The following AACS variants were observed in gnomAD, a reference collection of about 807,000 sequenced individuals.
AACS encodes the protein acetoacetate-CoA ligase.
Under a neutral mutation model 83.1 loss-of-function variants are expected in AACS, and 69 were observed. The ratio of observed to expected loss-of-function variants is 0.83; its 90% CI spans 0.68 to 1.01. The LOEUF (loss-of-function observed/expected upper bound fraction) is 1.01, where lower values mean the gene tolerates loss of function less well. AACS is among the 50% of genes least tolerant of loss of function. The pLI is 0.00. For missense variants in AACS, 866 were observed against 882.2 expected, an observed-to-expected ratio of 0.98 and a Z score of 0.23; for synonymous variants, 333 against 343.4, an observed-to-expected ratio of 0.97 and a Z score of 0.33.
At chr12:125,115,558 C>T (rs1040191326) in intron 9 of AACS, among the ~76,000 whole-genome samples, 1 of 152,220 alleles carries the variant, frequency 6.6e-6, no homozygotes, top group Non-Finnish European at 1.5e-5. Flanking sequence ...CCGCCCCTGG[C>T]CTGCTGAGTC....
At chr12:125,134,411 T>C (rs1270799414) in intron 15 of AACS, among the ~76,000 whole-genome samples, 1 of 152,176 alleles carries the variant, frequency 6.6e-6, no homozygotes, top group African/African-American at 2.4e-5. Flanking sequence ...GGGTGGCGCA[T>C]CCCTGTGCCA....
Position 125,065,633 on chromosome 12 carries a change from G to C in AACS, c.49G>C (p.Val17Leu). 2 of 1,544,848 alleles carry C rather than the reference G, an allele frequency of 1.3e-6. No individual in the cohort carries two copies. Among genetic ancestry groups the C allele is most frequent in the Middle Eastern group, 1.8e-4 (1 of 5,674 alleles). ...PGREEILECQ[V>L]MWEPDSKKNT... ...TCGGGAGGAGATCCTGGAGTGCCAG[G>C]TGATGTGGGAGCCTGACAGTAAGAA... The change falls in exon 1 of 18, where the codon GTG becomes CTG. Residue 17 changes from valine to leucine, a missense_variant. Physicochemically the swap from Val to Leu is conservative, Grantham distance 32. Coordinates refer to ENST00000316519, the MANE Select transcript of AACS (RefSeq NM_023928.5).
At chr12:125,086,547 T>C (rs2136066870) in intron 4 of AACS, 104 bp downstream of exon 4, 1 of 1,034,882 alleles carries the variant, frequency 9.7e-7, no homozygotes, top group East Asian at 2.4e-5. Context: ...TCATGTCATA[T>C]TACATGGAAC....
At chr12:125,078,096 A>G in intron 3 of AACS, 1 of 455,970 alleles carries the variant, frequency 2.2e-6, no homozygotes, top group Non-Finnish European at 4.4e-6. Flanking sequence ...CACTCCCTAG[A>G]TCAGCACAAG....
At chr12:125,098,993 A>G (rs952218564) in intron 5 of AACS, among the ~76,000 whole-genome samples, 1 of 152,198 alleles carries the variant, frequency 6.6e-6, no homozygotes, top group Non-Finnish European at 1.5e-5. Context: ...GGCGTCTTGC[A>G]TGTCCTTTTC....
chr12:125,112,747 T>C (rs924810226), intron 8 of AACS, among the ~76,000 whole-genome samples: 1 of 151,516 alleles, frequency 6.6e-6, no homozygotes, highest in Non-Finnish European at 1.5e-5. Context: ...TTAACAGTTC[T>C]ACGTGGCTGG....
intron 4 of AACS, among the ~76,000 whole-genome samples, chr12:125,089,449 G>C (rs546949862): frequency 2.7e-4 from 41 of 152,096 alleles, no homozygotes; most frequent in Non-Finnish European, 4.4e-4. Flanking sequence ...CTGCCCTACT[G>C]TACAGGTCCT....
intron 3 of AACS, among the ~76,000 whole-genome samples, chr12:125,078,890 A>G (rs190111323): frequency 1.3e-5 from 2 of 149,522 alleles, no homozygotes; most frequent in African/African-American, 4.9e-5. Flanking sequence ...GGAGACGCTG[A>G]TGTTCCGGGG....
At chr12:125,118,521 G>T in intron 9 of AACS, 120 bp from the exon 10 acceptor site, 1 of 1,404,048 alleles carries the variant, frequency 7.1e-7, no homozygotes, top group Non-Finnish European at 9.6e-7. Flanking sequence ...GAAATGGGAA[G>T]TTAGCACCAA....
chr12:125,115,156 A>G (rs565461045), intron 9 of AACS, among the ~76,000 whole-genome samples: 31 of 152,282 alleles, frequency 2.0e-4, no homozygotes, highest in African/African-American at 6.7e-4. Flanking sequence ...GAAGGTTAGG[A>G]CATGTTAAAG....
Position 125,134,920 on chromosome 12 carries a change from A to T in AACS, c.1678+68A>T, listed in dbSNP as rs1957381179. ...GGAGGAGGGTCCTGGCGGGAGCCCC[A>T]GGAGCCCCACCTTTGGCACAACTCT... is the stretch of plus-strand genomic sequence containing the variant. On this transcript the variant is annotated intron_variant, in intron 16 of 17. Coordinates refer to ENST00000316519, the MANE Select transcript of AACS (RefSeq NM_023928.5). The T allele has an allele frequency of 1.3e-5, 21 of 1,581,796 alleles. No homozygotes were observed. In the Middle Eastern group the frequency reaches 6.7e-4, roughly 51 times the overall value.
At chr12:125,066,560 C>T (rs1468871924) in intron 1 of AACS, among the ~76,000 whole-genome samples, 3 of 151,574 alleles carry the variant, frequency 2.0e-5, no homozygotes, top group African/African-American at 7.3e-5. Flanking sequence ...AGTGATTCTC[C>T]TGCCTCAGCC....
intron 8 of AACS, 44 bp from the exon 9 acceptor site, chr12:125,114,433 T>C: frequency 6.4e-7 from 1 of 1,554,174 alleles, no homozygotes; most frequent in Non-Finnish European, 8.8e-7. Context: ...CCTGGTACTG[T>C]ATGCCTAACA....
chr12:125,068,386 G>C (rs918248338), intron 1 of AACS, among the ~76,000 whole-genome samples: 2 of 152,136 alleles, frequency 1.3e-5, no homozygotes, highest in African/African-American at 4.8e-5. Context: ...TGGAGCCCAG[G>C]AGGTGGAGGT....
chr12:125,070,660 T>TGAGCTCTCTCTGTATGTC, intron 1 of AACS, among the ~76,000 whole-genome samples: 1 of 152,356 alleles, frequency 6.6e-6, no homozygotes, highest in East Asian at 1.9e-4. Flanking sequence ...TACTATTCAG[T>TGAGCTCTCTCTGTATGTC]GAGCTCTCTC....
intron 3 of AACS, chr12:125,078,253 C>T (rs1199544955): frequency 2.2e-6 from 1 of 456,226 alleles, no homozygotes; most frequent in Non-Finnish European, 4.4e-6. Context: ...CTTACTGGGA[C>T]ACATCTTCCG....
chr12:125,087,105 C>T (rs746514377), intron 4 of AACS, among the ~76,000 whole-genome samples: 16 of 152,134 alleles, frequency 1.1e-4, no homozygotes, highest in Non-Finnish European at 2.1e-4. Flanking sequence ...AGGCCTCGTC[C>T]ACTTTCTTCC....
chr12:125,100,939 T>C (rs1201702040), intron 5 of AACS: 1 of 152,264 alleles, frequency 6.6e-6, no homozygotes, highest in African/African-American at 2.4e-5. Context: ...ATAGTCCCAC[T>C]GCAGGCGGTG....
intron 3 of AACS, among the ~76,000 whole-genome samples, chr12:125,079,292 C>T (rs1038166184): frequency 1.3e-5 from 2 of 152,096 alleles, no homozygotes; most frequent in African/African-American, 4.8e-5. Flanking sequence ...CTGGGTGATC[C>T]CGTGGTGACC....
Sources: allele counts gnomAD v4.1 joint callset (sites outside exome capture counted in the v4.1 genomes callset), GRCh38; gene constraint gnomAD v4.1.1; transcripts MANE v1.5; gene names NCBI Gene and HGNC (gene_info 2026-07-23, HGNC 2026-07-21).